Variants in DHX36 observed in about 807,000 individuals in gnomAD.
DHX36 encodes ATP-dependent DNA/RNA helicase DHX36.
In DHX36, 50 loss-of-function variants were observed where a neutral mutation model predicts 139.0. The ratio of observed to expected loss-of-function variants is 0.36; its 90% CI spans 0.29 to 0.46. DHX36 has a LOEUF of 0.46. Ranked by LOEUF, DHX36 falls within the 20% of genes least tolerant of loss-of-function variation. DHX36 has a pLI of 1.00. For missense variants in DHX36, 1,024 were observed against 1,211.3 expected, an observed-to-expected ratio of 0.85 and a Z score of 2.29; for synonymous variants, 425 against 401.9, an observed-to-expected ratio of 1.06 and a Z score of -0.69.
At chr3:154,292,738 C>A (rs1260307411) in intron 14 of DHX36, 44 bp from the exon 15 acceptor site, 1 of 1,569,020 alleles carries the variant, frequency 6.4e-7, no homozygotes, top group East Asian at 2.3e-5. Context: ...CACACACACA[C>A]ACACACACAC....
intron 9 of DHX36, among the ~76,000 whole-genome samples, chr3:154,301,720 C>T (rs1274965539): frequency 6.6e-6 from 1 of 152,158 alleles, no homozygotes; most frequent in Non-Finnish European, 1.5e-5. Context: ...CAATTGAGTG[C>T]TGTACTATGA....
rs1009153600 is a variant in DHX36 at position 154,306,439 on chromosome 3, C to T, written c.814-144G>A. 7.5e-6 allele frequency: 5 copies of T among 662,498 alleles called. No individual in the cohort carries two copies. The African/African-American group carries it at 9.1e-5, about 12-fold the overall frequency. 41.0% of individuals were successfully genotyped at this position (662,498 alleles called of 1,614,324 possible). ...AAATAGATATTAAAATCTGAGGTATCTAAAACAGTGTGTGCCTCTCTTAAG... is the reference window on the plus strand; with the variant it reads ...AAATAGATATTAAAATCTGAGGTATTTAAAACAGTGTGTGCCTCTCTTAAG... On this transcript the variant is annotated intron_variant, in intron 5 of 24. Transcript: ENST00000496811.
Position 154,277,736 on chromosome 3 carries a change from A to G in DHX36, c.2568-18T>C, listed in dbSNP as rs377611241. On this transcript the variant is annotated intron_variant, in intron 22 of 24. Coordinates refer to ENST00000496811, the MANE Select transcript of DHX36 (RefSeq NM_020865.3). ...CTTTTACCCTTTAAAAAAAGTTAAAATGCAGTTTGTTAAAAAGAAGTCTTC... is the reference window on the plus strand; with the variant it reads ...CTTTTACCCTTTAAAAAAAGTTAAAGTGCAGTTTGTTAAAAAGAAGTCTTC... The G allele has an allele frequency of 2.7e-5, 42 of 1,583,208 alleles. No individual in the cohort carries two copies. Among genetic ancestry groups the G allele is most frequent in the Admixed American group, 3.5e-5 (2 of 57,850 alleles).
At chr3:154,291,938 T>C (rs1244836191) in intron 15 of DHX36, among the ~76,000 whole-genome samples, 1 of 152,214 alleles carries the variant, frequency 6.6e-6, no homozygotes, top group Admixed American at 6.5e-5. Flanking sequence ...ACTTCTTAAG[T>C]TATTATGACA....
chr3:154,295,194 T>TA (rs531182304), intron 13 of DHX36, 90 bp downstream of exon 13: 718 of 761,170 alleles, frequency 9.4e-4, no homozygotes, highest in Middle Eastern at 4.9e-3. Flanking sequence ...AAATACTCCT[T>TA]AAAAAAAATA....
intron 5 of DHX36, among the ~76,000 whole-genome samples, chr3:154,309,311 G>A (rs35867290): frequency 0.2 from 30,395 of 150,776 alleles, 4,191 homozygotes; most frequent in East Asian, 0.39. Flanking sequence ...AAAAAAAAAA[G>A]TTAAATAAAC....
intron 20 of DHX36, among the ~76,000 whole-genome samples, chr3:154,282,912 C>A (rs530489215): frequency 6.6e-6 from 1 of 152,248 alleles, no homozygotes; most frequent in African/African-American, 2.4e-5. Context: ...AGCAAAAATT[C>A]TCAGTTTGAA....
At chr3:154,310,593 CA>C (rs1283041851) in intron 4 of DHX36, among the ~76,000 whole-genome samples, 1 of 150,046 alleles carries the variant, frequency 6.7e-6, no homozygotes, top group Non-Finnish European at 1.5e-5. Context: ...CCATCCTGGC[CA>C]ACATGGTGAA....
intron 4 of DHX36, among the ~76,000 whole-genome samples, chr3:154,310,906 G>C (rs957013906): frequency 6.6e-5 from 8 of 120,508 alleles, no homozygotes; most frequent in Middle Eastern, 6.0e-3. Context: ...TACATACATA[G>C]ATGTGTATAT....
Position 154,272,973 on chromosome 3 carries a change from A to C in DHX36, c.*3198T>G, listed in dbSNP as rs542181557. 1 of 152,266 alleles carries C rather than the reference A, an allele frequency of 6.6e-6. No homozygotes were observed. The highest frequency in any genetic ancestry group is 2.1e-4 in the South Asian group (1 of 4,826). The allele number at this position is 152,266 out of a possible 1,614,324, so 9.4% of individuals were successfully genotyped here. A position where few individuals can be genotyped will look rare whatever the true frequency, so the allele number is the denominator to read the frequency against. Reference sequence around the variant, plus strand: ...TCTAGAGCTTTTGCCCAAATTAATTAATTGGGAAGGCATCACATGTGCTCA... The same window carrying C: ...TCTAGAGCTTTTGCCCAAATTAATTCATTGGGAAGGCATCACATGTGCTCA... On this transcript the variant is annotated 3_prime_UTR_variant, in exon 25 of 25. Coordinates refer to ENST00000496811, the MANE Select transcript of DHX36 (RefSeq NM_020865.3).
At chr3:154,282,657 T>TG (rs1199838127) in intron 20 of DHX36, among the ~76,000 whole-genome samples, 1 of 152,158 alleles carries the variant, frequency 6.6e-6, no homozygotes, top group African/African-American at 2.4e-5. Flanking sequence ...ATCTGTTAAA[T>TG]GTCCAGTATC....
At chr3:154,292,453 G>GT in intron 15 of DHX36, 98 bp downstream of exon 15, 1 of 1,479,634 alleles carries the variant, frequency 6.8e-7, no homozygotes, top group Non-Finnish European at 9.3e-7. Flanking sequence ...AATAAGAAAG[G>GT]TAACTCTTTT....
intron 12 of DHX36, among the ~76,000 whole-genome samples, chr3:154,295,980 C>G (rs867003945): frequency 8.5e-5 from 13 of 152,150 alleles, no homozygotes; most frequent in Middle Eastern, 3.4e-3. Context: ...GTTGCCCAGG[C>G]TGGTCTTGAA....
chr3:154,297,994 T>C (rs896189104), intron 12 of DHX36, among the ~76,000 whole-genome samples: 4 of 152,186 alleles, frequency 2.6e-5, no homozygotes, highest in Non-Finnish European at 5.9e-5. Flanking sequence ...CTCCCCATGA[T>C]AGTGGTTAAC....
intron 1 of DHX36, among the ~76,000 whole-genome samples, chr3:154,317,212 G>A (rs1458129290): frequency 6.6e-6 from 1 of 152,030 alleles, no homozygotes; most frequent in Non-Finnish European, 1.5e-5. Flanking sequence ...CTGTGTTACT[G>A]TACATTTTTG....
At position 154,276,032 on chromosome 3, in the gene DHX36, A is replaced by C; in HGVS notation, c.*139T>G. Reference sequence around the variant, plus strand: ...CATATAACATCAAGTCATGCACATTAAGTCTTTACTACCTACTGAAGGCTT... The same window carrying C: ...CATATAACATCAAGTCATGCACATTCAGTCTTTACTACCTACTGAAGGCTT... On this transcript the variant is annotated 3_prime_UTR_variant, in exon 25 of 25. Transcript: ENST00000496811. 1 of 597,686 alleles carries C rather than the reference A, an allele frequency of 1.7e-6. No homozygotes were observed. The highest frequency in any genetic ancestry group is 2.9e-6 in the Non-Finnish European group (1 of 347,294). The allele number at this position is 597,686 out of a possible 1,614,324, so 37.0% of individuals were successfully genotyped here.
intron 17 of DHX36, among the ~76,000 whole-genome samples, chr3:154,286,021 A>T (rs1316934156): frequency 6.6e-6 from 1 of 151,980 alleles, no homozygotes; most frequent in Non-Finnish European, 1.5e-5. Context: ...TTAATATTTG[A>T]AACATCAGTT....
At chr3:154,295,229 C>T (rs1267738236) in intron 13 of DHX36, 55 bp downstream of exon 13, 1 of 1,106,214 alleles carries the variant, frequency 9.0e-7, no homozygotes, top group Non-Finnish European at 1.3e-6. Context: ...ACAAGCAGTC[C>T]TTAAAGCTTG....
chr3:154,322,976 C>A (rs1279989461), intron 1 of DHX36, among the ~76,000 whole-genome samples: 3 of 152,104 alleles, frequency 2.0e-5, no homozygotes, highest in African/African-American at 7.2e-5. Context: ...ATGGATAAGG[C>A]CCCCAAAACA....
Sources: gnomAD v4.1 joint callset for allele counts (sites outside exome capture counted in the v4.1 genomes callset) on GRCh38, gnomAD v4.1.1 for gene constraint, MANE v1.5 for transcripts, NCBI Gene and HGNC (gene_info 2026-07-23, HGNC 2026-07-21) for gene names.